Variants in PLD5 observed in about 807,000 individuals in gnomAD.
PLD5 encodes inactive phospholipase D5.
In PLD5, 36 loss-of-function variants were observed where a neutral mutation model predicts 61.1. The observed-to-expected ratio is 0.59, with a 90% CI of 0.45 to 0.78. PLD5 has a LOEUF of 0.78. Ranked by LOEUF, PLD5 falls within the 30% of genes least tolerant of loss-of-function variation. PLD5 has a pLI of 0.00. For missense variants in PLD5, 515 were observed against 644.4 expected, an observed-to-expected ratio of 0.80 and a Z score of 2.17; for synonymous variants, 243 against 242.8, an observed-to-expected ratio of 1.00 and a Z score of -0.01.
intron 9 of PLD5, among the ~76,000 whole-genome samples, chr1:242,091,867 G>A (rs928019468): frequency 8.0e-5 from 11 of 138,262 alleles, no homozygotes; most frequent in Admixed American, 1.6e-4. Flanking sequence ...TTGCTCTGTC[G>A]CCCAGGCTGG....
At chr1:242,242,195 TTGA>T (rs1558388488) in intron 4 of PLD5, among the ~76,000 whole-genome samples, 1 of 151,936 alleles carries the variant, frequency 6.6e-6, no homozygotes, top group Non-Finnish European at 1.5e-5. Flanking sequence ...AACGAGTTAG[TTGA>T]TGAATGAGTA....
chr1:242,510,706 G>A (rs1319106524), intron 1 of PLD5, among the ~76,000 whole-genome samples: 2 of 152,040 alleles, frequency 1.3e-5, no homozygotes, highest in Non-Finnish European at 2.9e-5. Flanking sequence ...ATAGCTGGGC[G>A]GGGTGGCAGG....
intron 1 of PLD5, among the ~76,000 whole-genome samples, chr1:242,366,894 A>T (rs1039011455): frequency 1.3e-5 from 2 of 152,154 alleles, no homozygotes; most frequent in Non-Finnish European, 2.9e-5. Flanking sequence ...AACCCTGGTT[A>T]TTTTTATTTT....
intron 2 of PLD5, among the ~76,000 whole-genome samples, chr1:242,316,019 G>A (rs915374280): frequency 6.6e-6 from 1 of 152,164 alleles, no homozygotes; most frequent in Non-Finnish European, 1.5e-5. Flanking sequence ...CTCTACCATG[G>A]TGACCTTGCG....
intron 2 of PLD5, among the ~76,000 whole-genome samples, chr1:242,339,088 C>T (rs1438074100): frequency 1.3e-5 from 2 of 151,930 alleles, no homozygotes; most frequent in African/African-American, 2.4e-5. Flanking sequence ...TCATAATTCT[C>T]GGTTTGATCT....
chr1:242,178,852 C>T (rs1408205934), intron 5 of PLD5, among the ~76,000 whole-genome samples: 1 of 152,162 alleles, frequency 6.6e-6, no homozygotes, highest in Admixed American at 6.6e-5. Flanking sequence ...GGCTTTGTGT[C>T]TTTACATTCT....
chr1:242,213,230 C>T (rs1037014013), intron 5 of PLD5, among the ~76,000 whole-genome samples: 1 of 152,124 alleles, frequency 6.6e-6, no homozygotes, highest in Admixed American at 6.5e-5. Context: ...AATGAAAGGC[C>T]AGCTTGTCGA....
At chr1:242,477,621 G>A (rs1225680948) in intron 1 of PLD5, among the ~76,000 whole-genome samples, 1 of 152,184 alleles carries the variant, frequency 6.6e-6, no homozygotes, top group African/African-American at 2.4e-5. Context: ...GGCAGCGGAG[G>A]CAGAGATCAG....
chr1:242,489,367 C>T (rs1668065907), intron 1 of PLD5, among the ~76,000 whole-genome samples: 2 of 115,856 alleles, frequency 1.7e-5, no homozygotes, highest in Admixed American at 2.0e-4. Context: ...CACCTCGATA[C>T]ATTTGATTAA....
At chr1:242,223,041 A>G (rs1410714578) in intron 4 of PLD5, among the ~76,000 whole-genome samples, 1 of 152,216 alleles carries the variant, frequency 6.6e-6, no homozygotes. Context: ...ACAGAAATGT[A>G]TCCCTCAGAG....
intron 5 of PLD5, chr1:242,209,313 T>G (rs940313380): frequency 5.3e-5 from 8 of 152,120 alleles, no homozygotes; most frequent in African/African-American, 1.9e-4. Context: ...AGCCAGGAAT[T>G]CTAGGGGAGC....
chr1:242,161,884 G>C (rs988898699), intron 5 of PLD5, among the ~76,000 whole-genome samples: 2 of 152,108 alleles, frequency 1.3e-5, no homozygotes, highest in Non-Finnish European at 2.9e-5. Context: ...TACGGTAAAG[G>C]GGAAGGAGAG....
At chr1:242,463,062 C>T (rs921644491) in intron 1 of PLD5, among the ~76,000 whole-genome samples, 5 of 152,156 alleles carry the variant, frequency 3.3e-5, no homozygotes, top group Admixed American at 6.5e-5. Context: ...TAGCTGCGAA[C>T]GCTCTGTAAT....
At chr1:242,470,235 G>T (rs965951005) in intron 1 of PLD5, among the ~76,000 whole-genome samples, 2 of 151,990 alleles carry the variant, frequency 1.3e-5, no homozygotes, top group African/African-American at 4.8e-5. Flanking sequence ...CCAGCTACTC[G>T]GGAGGCTGAG....
rs549825932 is a variant in PLD5 at position 242,433,476 on chromosome 1, A to T, written c.190-85234T>A. Among the ~76,000 whole-genome samples the T allele has an allele frequency of 2.0e-5, 3 of 152,230 alleles. 1 individual carries two copies. The South Asian group carries it at 6.2e-4, about 32-fold the overall frequency. On this transcript the variant is annotated intron_variant, in intron 1 of 9. Coordinates refer to ENST00000536534, the MANE Select transcript of PLD5 (RefSeq NM_001372062.1). Reference sequence around the variant, plus strand: ...CAGCAATCTAAACATATTGTTTCGCACCTTATTTTTTCCACTTAATATATT... The same window carrying T: ...CAGCAATCTAAACATATTGTTTCGCTCCTTATTTTTTCCACTTAATATATT...
At chr1:242,148,227 T>C (rs564289395) in intron 5 of PLD5, among the ~76,000 whole-genome samples, 1 of 141,508 alleles carries the variant, frequency 7.1e-6, no homozygotes, top group African/African-American at 2.6e-5. Context: ...TTTTCTTGCA[T>C]ATGTATATCC....
rs975057310 is a variant in PLD5 at position 242,086,614 on chromosome 1, G to A, written c.*3240C>T. 1 of 152,204 alleles carries A rather than the reference G, an allele frequency of 6.6e-6. No individual in the cohort carries two copies. Among genetic ancestry groups the A allele is most frequent in the African/African-American group, 2.4e-5 (1 of 41,426 alleles). 9.4% of individuals were successfully genotyped at this position (152,204 alleles called of 1,614,324 possible). On this transcript the variant is annotated 3_prime_UTR_variant, in exon 10 of 10. Coordinates refer to ENST00000536534, the MANE Select transcript of PLD5 (RefSeq NM_001372062.1). ...GGGTGGATAAAGGTGATGGGGCTTG[G>A]GAAGAGAACAGGCAGCATAAAAACT...
chr1:242,105,584 C>T (rs1266163474), intron 8 of PLD5, among the ~76,000 whole-genome samples: 1 of 151,976 alleles, frequency 6.6e-6, no homozygotes, highest in Non-Finnish European at 1.5e-5. Flanking sequence ...GAAGGAAGGG[C>T]TAGTTTATAA....
In PLD5 at chr1:242,256,131, G is replaced by A. The variant is rs914198987; in HGVS notation, c.607+9206C>T. ...GAAAGTTGGGGTCACTTTTAAACTG[G>A]GTGTCTGAGACAGTCACTCAGCAAA... On this transcript the variant is annotated intron_variant, in intron 4 of 9. Coordinates refer to ENST00000536534, the MANE Select transcript of PLD5 (RefSeq NM_001372062.1). The surrounding 1 kb of genome is among the most constrained non-coding windows in gnomAD (Gnocchi z 5.7). Among the ~76,000 whole-genome samples the A allele has an allele frequency of 6.6e-6, 1 of 151,962 alleles. No individual in the cohort carries two copies. Among genetic ancestry groups the A allele is most frequent in the Non-Finnish European group, 1.5e-5 (1 of 68,004 alleles).
Sources: allele counts gnomAD v4.1 joint callset (sites outside exome capture counted in the v4.1 genomes callset), GRCh38; gene constraint gnomAD v4.1.1; non-coding constraint Gnocchi (gnomAD v3.1); transcripts MANE v1.5; gene names NCBI Gene and HGNC (gene_info 2026-07-23, HGNC 2026-07-21).